The following FMN1 variants were observed in gnomAD, a reference collection of about 807,000 sequenced individuals.
The protein encoded by FMN1 is formin 1.
FMN1 carries 110 observed loss-of-function variants against 132.4 expected under a neutral mutation model. The observed-to-expected ratio is 0.83, with a 90% confidence interval of 0.71 to 0.97. The LOEUF (loss-of-function observed/expected upper bound fraction) is 0.97, where lower values mean the gene tolerates loss of function less well. FMN1 is among the 50% of genes least tolerant of loss of function. The pLI, the probability that FMN1 is intolerant of heterozygous loss-of-function variation, is 0.00. For synonymous variants in FMN1, 722 were observed against 651.7 expected, an observed-to-expected ratio of 1.11 and a Z score of -1.64; for missense variants, 1,792 against 1,705.3, an observed-to-expected ratio of 1.05 and a Z score of -0.90.
rs530666040 is a variant in FMN1 at position 32,803,263 on chromosome 15, C to T, written c.3980+1018G>A. ...CTACCTGTCATCTAATTTACCAGTA[C>T]TTTTAGAATTCGTACCAGCAAAATG... On this transcript the variant is annotated intron_variant, in intron 18 of 20. Coordinates refer to ENST00000616417, the MANE Select transcript of FMN1 (RefSeq NM_001277313.2). Among the ~76,000 whole-genome samples the T allele has an allele frequency of 1.8e-4, 28 of 152,290 alleles. 1 individual carries two copies. Among genetic ancestry groups the T allele is most frequent in the Admixed American group, 1.7e-3 (26 of 15,298 alleles).
intron 9 of FMN1, among the ~76,000 whole-genome samples, chr15:32,946,862 T>G (rs2061521938): frequency 6.6e-6 from 1 of 152,212 alleles, no homozygotes; most frequent in African/African-American, 2.4e-5. Flanking sequence ...ACTAGGTGCA[T>G]GATCTGTAAT....
intron 10 of FMN1, among the ~76,000 whole-genome samples, chr15:32,922,199 C>G (rs538202973): frequency 6.6e-6 from 1 of 152,202 alleles, no homozygotes; most frequent in Admixed American, 6.5e-5. Context: ...ACACCTGATG[C>G]GGAGCTGGCA....
chr15:32,926,267 A>G lies in FMN1; in HGVS notation c.3139-6T>C. The G allele has an allele frequency of 7.0e-7, 1 of 1,425,582 alleles. No homozygotes were observed. Among genetic ancestry groups the G allele is most frequent in the Non-Finnish European group, 9.5e-7 (1 of 1,047,562 alleles). The allele number at this position is 1,425,582 out of a possible 1,614,324, so 88.3% of individuals were successfully genotyped here. A position where few individuals can be genotyped will look rare whatever the true frequency, so the allele number is the denominator to read the frequency against. ...CCATCCAACAATTTGATGATCTAAA[A>G]TTAGAAAAAAAAAAAAAAGAATACA... On this transcript the variant is annotated splice_polypyrimidine_tract_variant and splice_region_variant and intron_variant, in intron 9 of 20. Transcript: ENST00000616417.
At chr15:32,901,160 AAAAGAAAGAAAG>A (rs145875428) in intron 13 of FMN1, among the ~76,000 whole-genome samples, 2 of 152,162 alleles carry the variant, frequency 1.3e-5, no homozygotes, top group East Asian at 3.9e-4. Context: ...GTCTCAAAAA[AAAAGAAAGAAAG>A]AAAGAAAGAA....
chr15:33,094,665 T>C (rs1222233282), intron 4 of FMN1, among the ~76,000 whole-genome samples: 1 of 152,214 alleles, frequency 6.6e-6, no homozygotes, highest in Non-Finnish European at 1.5e-5. Flanking sequence ...ATGGAACTAT[T>C]TATAGTCATG....
intron 7 of FMN1, among the ~76,000 whole-genome samples, chr15:32,987,540 C>G (rs1257631728): frequency 6.6e-6 from 1 of 152,074 alleles, no homozygotes; most frequent in African/African-American, 2.4e-5. Flanking sequence ...ACATATGAAA[C>G]TGATTAGGAG....
At chr15:33,097,796 A>G (rs1460896865) in intron 4 of FMN1, among the ~76,000 whole-genome samples, 4 of 152,244 alleles carry the variant, frequency 2.6e-5, no homozygotes, top group South Asian at 2.1e-4. Flanking sequence ...AAATAATTAC[A>G]TAAATAGACA....
intron 4 of FMN1, among the ~76,000 whole-genome samples, chr15:33,136,140 C>A (rs1963756200): frequency 6.6e-6 from 1 of 152,210 alleles, no homozygotes; most frequent in African/African-American, 2.4e-5. Context: ...CTGAAATTAT[C>A]CCCATGACAT....
intron 5 of FMN1, among the ~76,000 whole-genome samples, chr15:33,065,560 A>G (rs904770229): frequency 6.6e-6 from 1 of 152,238 alleles, no homozygotes; most frequent in African/African-American, 2.4e-5. Context: ...TAAACGAATG[A>G]ATGAGATTTG....
chr15:33,190,535 G>A (rs1454471393), intron 2 of FMN1, among the ~76,000 whole-genome samples: 2 of 152,148 alleles, frequency 1.3e-5, no homozygotes, highest in Non-Finnish European at 2.9e-5. Context: ...CCTAGGCCTA[G>A]ATGAATGTGG....
chr15:32,877,720 T>G (rs1429155756), intron 16 of FMN1, among the ~76,000 whole-genome samples: 2 of 152,180 alleles, frequency 1.3e-5, no homozygotes, highest in African/African-American at 4.8e-5. Flanking sequence ...AGTTTTCTCT[T>G]CAGACAGCTT....
At position 32,959,216 on chromosome 15, in the gene FMN1, T is replaced by C. The variant is rs116144934; in HGVS notation, c.3138+4891A>G. 5.7e-3 allele frequency among the ~76,000 whole-genome samples: 868 copies of C among 152,318 alleles called. 8 individuals carry two copies. Among genetic ancestry groups the C allele is most frequent in the African/African-American group, 0.02 (822 of 41,556 alleles). ...CAAGTATCCTCCTGGTCTTCTCATA[T>C]GGGAACCATTCCATGATCCAGCTGA... On this transcript the variant is annotated intron_variant, in intron 9 of 20. Coordinates refer to ENST00000616417, the MANE Select transcript of FMN1 (RefSeq NM_001277313.2).
At chr15:32,852,549 G>A (rs2059031889) in intron 17 of FMN1, among the ~76,000 whole-genome samples, 1 of 152,004 alleles carries the variant, frequency 6.6e-6, no homozygotes, top group Non-Finnish European at 1.5e-5. Flanking sequence ...CTAATTTTTG[G>A]AGAGATGGGG....
Position 33,088,768 on chromosome 15 carries a change from C to CCA in FMN1, c.2043+29_2043+30dup, listed in dbSNP as rs1486421068. 3 of 1,520,874 alleles carry CCA rather than the reference C, an allele frequency of 2.0e-6. No homozygotes were observed. The East Asian group carries it at 7.4e-5, about 37-fold the overall frequency. 94.2% of individuals were successfully genotyped at this position (1,520,874 alleles called of 1,614,324 possible). On this transcript the variant is annotated intron_variant, in intron 5 of 20. Transcript: ENST00000616417. ...ATGAGCCTCTGTTGACCACAAAGAA[C>CCA]CACAGCACAATCACCAAGATTTCTA...
intron 3 of FMN1, among the ~76,000 whole-genome samples, chr15:33,156,635 A>G (rs1964684401): frequency 6.6e-6 from 1 of 152,128 alleles, no homozygotes; most frequent in South Asian, 2.1e-4. Flanking sequence ...GCATTTTCTA[A>G]AGATGCACAT....
At position 33,058,640 on chromosome 15, in the gene FMN1, G is replaced by C. The variant is rs1472925832; in HGVS notation, c.2161+6317C>G. Among the ~76,000 whole-genome samples the C allele has an allele frequency of 2.0e-5, 3 of 152,176 alleles. 1 individual carries two copies. Among genetic ancestry groups the C allele is most frequent in the Non-Finnish European group, 4.4e-5 (3 of 68,034 alleles). ...TCCTATTTGAGGAATCAAAAGAACA[G>C]CGTGAAACAACCAAGTGAGTTTTTG... On this transcript the variant is annotated intron_variant, in intron 6 of 20. Transcript: ENST00000616417.
intron 4 of FMN1, among the ~76,000 whole-genome samples, chr15:33,115,405 G>C (rs976588329): frequency 6.6e-6 from 1 of 152,100 alleles, no homozygotes; most frequent in Admixed American, 6.5e-5. Context: ...GGACTGGTAT[G>C]TGGGTTGCTT....
intron 15 of FMN1, among the ~76,000 whole-genome samples, chr15:32,895,200 A>T (rs1245038251): frequency 2.6e-5 from 4 of 152,214 alleles, no homozygotes; most frequent in South Asian, 4.1e-4. Context: ...CTTGCTTATG[A>T]TCCTGAGATT....
chr15:32,844,368 T>C (rs1258620436), intron 17 of FMN1, among the ~76,000 whole-genome samples: 2 of 152,212 alleles, frequency 1.3e-5, no homozygotes, highest in Admixed American at 6.5e-5. Flanking sequence ...CCATGAAGTG[T>C]GATCTATCAG....
Sources: gnomAD v4.1 joint callset for allele counts (sites outside exome capture counted in the v4.1 genomes callset) on GRCh38, gnomAD v4.1.1 for gene constraint, MANE v1.5 for transcripts, NCBI Gene and HGNC (gene_info 2026-07-23, HGNC 2026-07-21) for gene names.